The following NDUFAF6 variants were observed in gnomAD, a reference collection of about 807,000 sequenced individuals.
NDUFAF6 encodes the protein NADH dehydrogenase (ubiquinone) complex I, assembly factor 6.
Under a neutral mutation model 40.8 loss-of-function variants are expected in NDUFAF6, and 45 were observed. The observed-to-expected ratio is 1.10, with a 90% CI of 0.87 to 1.42. NDUFAF6 has a LOEUF of 1.42. NDUFAF6 is among the 40% of genes most tolerant of loss of function. The pLI is 0.00. For missense variants in NDUFAF6, 435 were observed against 418.5 expected, an observed-to-expected ratio of 1.04 and a Z score of -0.34; for synonymous variants, 185 against 155.9, an observed-to-expected ratio of 1.19 and a Z score of -1.39.
At chr8:94,944,189 A>T (rs1821796111) in intron 1 of NDUFAF6, among the ~76,000 whole-genome samples, 1 of 152,196 alleles carries the variant, frequency 6.6e-6, no homozygotes, top group South Asian at 2.1e-4. Flanking sequence ...TCTAGCCCTG[A>T]ATCAGCTAAA....
chr8:94,983,314 GA>G (rs1335208394), intron 2 of NDUFAF6, among the ~76,000 whole-genome samples: 1 of 143,456 alleles, frequency 7.0e-6, no homozygotes, highest in Non-Finnish European at 1.5e-5. Flanking sequence ...GCCCAGACTG[GA>G]GTGCAATGGC....
chr8:94,952,774 T>C (rs937449478), intron 2 of NDUFAF6, among the ~76,000 whole-genome samples: 7 of 152,224 alleles, frequency 4.6e-5, no homozygotes, highest in Non-Finnish European at 1.5e-5. Flanking sequence ...ATGTTTGTCT[T>C]TTTGTTTAAC....
chr8:95,012,675 T>TAAATAAATAAATAAAA (rs1827275734), intron 2 of NDUFAF6, among the ~76,000 whole-genome samples: 1 of 145,192 alleles, frequency 6.9e-6, no homozygotes, highest in African/African-American at 2.6e-5. Context: ...AATAAACAAA[T>TAAATAAATAAATAAAA]AAAAATTAGC....
chr8:94,954,235 G>T (rs758910404), upstream of NDUFAF6, among the ~76,000 whole-genome samples: 1 of 152,102 alleles, frequency 6.6e-6, no homozygotes, highest in South Asian at 2.1e-4. Context: ...GCTAATTTTC[G>T]TGTTTTTAGT....
At chr8:95,069,795 TTATATA>T (rs1239142680) in intron 9 of NDUFAF6, among the ~76,000 whole-genome samples, 1 of 142,152 alleles carries the variant, frequency 7.0e-6, no homozygotes, top group Non-Finnish European at 1.5e-5. Flanking sequence ...AAAAAAAAAA[TTATATA>T]TATATATATA....
intron 2 of NDUFAF6, among the ~76,000 whole-genome samples, chr8:94,998,762 G>T (rs1169334389): frequency 6.6e-6 from 1 of 152,190 alleles, no homozygotes; most frequent in Non-Finnish European, 1.5e-5. Flanking sequence ...CTCAGATGCT[G>T]CTTGAGCAGC....
intron 1 of NDUFAF6, among the ~76,000 whole-genome samples, chr8:94,943,596 C>A (rs1216210889): frequency 6.6e-6 from 1 of 152,218 alleles, no homozygotes; most frequent in East Asian, 1.9e-4. Context: ...CAACTTCAGG[C>A]TCCTGACAGT....
rs1025735673 is a variant in NDUFAF6, at chr8:94,986,764, T to A, written c.-84+5791T>A. 2.6e-5 allele frequency among the ~76,000 whole-genome samples: 4 copies of A among 152,204 alleles called. No homozygotes were observed. In the East Asian group the frequency reaches 7.7e-4, roughly 29 times the overall value. On this transcript the variant is annotated intron_variant, in intron 2 of 9. Transcript: ENST00000396111. ...AGCATATGAGCTAATTTGGTTTCTG[T>A]GACATGATGATTCTATTCCCCTATT...
intron 1 of NDUFAF6, among the ~76,000 whole-genome samples, chr8:94,959,078 AGGG>A (rs1379715129): frequency 2.6e-5 from 1 of 38,576 alleles, no homozygotes; most frequent in Non-Finnish European, 6.2e-5. Flanking sequence ...TGCGGGAAAG[AGGG>A]GGTGATTGCG....
At chr8:94,925,362 G>C (rs906252137) in intron 1 of NDUFAF6, among the ~76,000 whole-genome samples, 7 of 152,088 alleles carry the variant, frequency 4.6e-5, no homozygotes. Context: ...ACTTCTATAA[G>C]ATTCCATCTC....
At chr8:95,094,106 G>A (rs550881961) in intron 2 of NDUFAF6, among the ~76,000 whole-genome samples, 1 of 152,168 alleles carries the variant, frequency 6.6e-6, no homozygotes, top group East Asian at 1.9e-4. Context: ...TAGAAGCTGG[G>A]ATTACAGGCA....
At chr8:94,919,296 C>G (rs1427135537) in intron 1 of NDUFAF6, among the ~76,000 whole-genome samples, 1 of 152,196 alleles carries the variant, frequency 6.6e-6, no homozygotes, top group African/African-American at 2.4e-5. Context: ...GTCCTCCCAC[C>G]TCAGCCTCCC....
chr8:94,909,713 C>G (rs1446657568), intron 1 of NDUFAF6, among the ~76,000 whole-genome samples: 1 of 151,010 alleles, frequency 6.6e-6, no homozygotes, highest in Non-Finnish European at 1.5e-5. Context: ...GTCACTTCGC[C>G]CAGGAGTTTG....
At chr8:95,071,234 CAAA>C (rs34778035) in intron 9 of NDUFAF6, among the ~76,000 whole-genome samples, 185 of 146,960 alleles carry the variant, frequency 1.3e-3, no homozygotes, top group African/African-American at 1.6e-3. Context: ...ACTAAAAATA[CAAA>C]AAAAAAAAAA....
intron 1 of NDUFAF6, among the ~76,000 whole-genome samples, chr8:94,924,638 A>T (rs1016041309): frequency 1.3e-5 from 2 of 152,116 alleles, no homozygotes. Context: ...CTGCCTTGAG[A>T]CCTGATCAAG....
At chr8:94,949,387 G>C (rs1488896852) in intron 2 of NDUFAF6, 1 of 151,124 alleles carries the variant, frequency 6.6e-6, no homozygotes, top group Non-Finnish European at 1.5e-5. Context: ...ACAGCTGATC[G>C]GCCGCTCCGC....
downstream of NDUFAF6, among the ~76,000 whole-genome samples, chr8:95,107,213 G>A (rs1045645998): frequency 1.3e-5 from 2 of 152,104 alleles, no homozygotes; most frequent in Non-Finnish European, 2.9e-5. Flanking sequence ...GTTCACAATA[G>A]CAAAGACTCG....
intron 2 of NDUFAF6, among the ~76,000 whole-genome samples, chr8:94,947,011 A>G (rs1305935057): frequency 6.6e-6 from 1 of 152,140 alleles, no homozygotes; most frequent in East Asian, 1.9e-4. Flanking sequence ...CAATTTACAG[A>G]ATGCTTATTG....
At chr8:94,936,233 G>C (rs1586717010) in intron 1 of NDUFAF6, among the ~76,000 whole-genome samples, 1 of 152,222 alleles carries the variant, frequency 6.6e-6, no homozygotes, top group Non-Finnish European at 1.5e-5. Context: ...GGTGATGTCA[G>C]AGAAACACTA....
Sources: gnomAD v4.1 joint callset for allele counts (sites outside exome capture counted in the v4.1 genomes callset) on GRCh38, gnomAD v4.1.1 for gene constraint, MANE v1.5 for transcripts, NCBI Gene and HGNC (gene_info 2026-07-23, HGNC 2026-07-21) for gene names.